SLC2A7: variants seen among roughly 807,000 people sequenced by gnomAD.
SLC2A7 encodes the protein solute carrier family 2, facilitated glucose transporter member 7.
In SLC2A7, 50 loss-of-function variants were observed where a neutral mutation model predicts 50.5. The observed-to-expected ratio is 0.99, with a 90% CI of 0.79 to 1.25. The LOEUF (loss-of-function observed/expected upper bound fraction) is 1.25. Among genes scored for constraint, SLC2A7 ranks in the 50% most tolerant of loss-of-function variants. The pLI, the probability that SLC2A7 is intolerant of heterozygous loss-of-function variation, is 0.00. For synonymous variants in SLC2A7, 308 were observed against 300.4 expected (o/e 1.03, Z -0.26); for missense variants, 683 against 679.1 (o/e 1.01, Z -0.06).
chr1:9,022,885 AT>A (rs754238764), intron 3 of SLC2A7, 32 bp downstream of exon 3: 2 of 1,608,228 alleles, frequency 1.2e-6, no homozygotes, highest in Non-Finnish European at 1.7e-6. Flanking sequence ...ACTAGCATGA[AT>A]TTTAAGTGGG....
chr1:9,015,718 A>C (rs1640820310), intron 5 of SLC2A7, among the ~76,000 whole-genome samples: 1 of 145,152 alleles, frequency 6.9e-6, no homozygotes, highest in Non-Finnish European at 1.5e-5. Context: ...GGAAGTGGAC[A>C]AGTTCTTTTT....
At chr1:9,023,838 CTTTTTTT>C (rs1162143987) in intron 2 of SLC2A7, among the ~76,000 whole-genome samples, 8 of 17,168 alleles carry the variant, frequency 4.7e-4, no homozygotes, top group Admixed American at 3.1e-3. Context: ...TATTCTTCTT[CTTTTTTT>C]TTTTTTTTTT....
At position 9,014,921 on chromosome 1, in the gene SLC2A7, C is replaced by A. The variant is rs1640806128; in HGVS notation, c.716-53G>T. On this transcript the variant is annotated intron_variant, in intron 6 of 11. Coordinates refer to ENST00000400906, the MANE Select transcript of SLC2A7 (RefSeq NM_207420.3). Reference sequence around the variant, plus strand: ...AGGGCCGTCTCCCTGCAGGCTGGGCCCCAAGCCCCCATGCTGGCCCTGAGC... The same window carrying A: ...AGGGCCGTCTCCCTGCAGGCTGGGCACCAAGCCCCCATGCTGGCCCTGAGC... 3 of 1,525,034 alleles carry A rather than the reference C, an allele frequency of 2.0e-6. No individual in the cohort carries two copies. In the South Asian group the frequency reaches 3.7e-5, roughly 19 times the overall value. 94.5% of individuals were successfully genotyped at this position (1,525,034 alleles called of 1,614,324 possible).
chr1:9,026,247 C>T (rs751680048), intron 1 of SLC2A7, 48 bp downstream of exon 1: 2 of 1,588,246 alleles, frequency 1.3e-6, no homozygotes, highest in Non-Finnish European at 8.6e-7. Context: ...CAGGTCTGCA[C>T]AGCTGGTGGG....
chr1:9,024,848 T>C, intron 2 of SLC2A7, 128 bp downstream of exon 2: 1 of 1,014,996 alleles, frequency 9.9e-7, no homozygotes, highest in Non-Finnish European at 1.5e-6. Context: ...AGCTGGCTGC[T>C]CCCAAAGGCA....
chr1:9,013,600 C>G lies in SLC2A7; in HGVS notation c.939G>C (p.Ala313=), dbSNP rs747148671. 1.9e-6 allele frequency: 3 copies of G among 1,614,106 alleles called. No homozygotes were observed. The South Asian group carries it at 3.3e-5, about 18-fold the overall frequency. ...ATTGGGAGTGAGCGGCCTCCACGCC[C>G]GCAGATGTGTAGATGGTGTCCGCAT... ...NYYADTIYTS[A]GVEAAHSQYV... The change falls in exon 8 of 12, where the codon GCG becomes GCC. Residue 313 remains alanine (A), a synonymous_variant. Coordinates refer to ENST00000400906, the MANE Select transcript of SLC2A7 (RefSeq NM_207420.3).
At chr1:9,013,709 C>T (rs1189805705) in intron 7 of SLC2A7, 74 bp from the exon 8 acceptor site, 60 of 1,305,168 alleles carry the variant, frequency 4.6e-5, no homozygotes, top group Non-Finnish European at 6.4e-5. Flanking sequence ...CAACTCAAGC[C>T]ACACACAGTT....
In SLC2A7 at chr1:9,025,567, G is replaced by A. The variant is rs72632912; in HGVS notation, c.52-493C>T. Among the ~76,000 whole-genome samples, 18 of 152,306 alleles carry A rather than the reference G, an allele frequency of 1.2e-4. No homozygotes were observed. In the Middle Eastern group the frequency reaches 0.014, roughly 115 times the overall value. On this transcript the variant is annotated intron_variant, in intron 1 of 11. Transcript: ENST00000400906. ...GCAGGGAAGGCCTCTCTGAGCAGGC[G>A]CCCTTTGAGCCGGGACCAGAATGGA...
In SLC2A7 at chr1:9,013,646, A is replaced by G; in HGVS notation, c.904-11T>C. The G allele has an allele frequency of 6.2e-7, 1 of 1,611,906 alleles. No homozygotes were observed. The highest frequency in any genetic ancestry group is 8.5e-7 in the Non-Finnish European group (1 of 1,178,258). Reference sequence around the variant, plus strand: ...CGCATAGTAGTTGATCTAAACAAAAACACAGGGCTGTCAGGACAGGCCGGA... The same window carrying G: ...CGCATAGTAGTTGATCTAAACAAAAGCACAGGGCTGTCAGGACAGGCCGGA... On this transcript the variant is annotated splice_polypyrimidine_tract_variant and intron_variant, in intron 7 of 11. Coordinates refer to ENST00000400906, the MANE Select transcript of SLC2A7 (RefSeq NM_207420.3).
At position 9,007,355 on chromosome 1, in the gene SLC2A7, T is replaced by G. The variant is rs1640669558; in HGVS notation, c.1147A>C (p.Ile383Leu). 1 of 1,614,054 alleles carries G rather than the reference T, an allele frequency of 6.2e-7. No individual in the cohort carries two copies. The highest frequency in any genetic ancestry group is 1.1e-5 in the South Asian group (1 of 91,090). ...GCGATGTAGGCAAAGACACAGATGA[T>G]GCCGAGGTAGGACAGCTCGGGGACC... ...NRVPELSYLGIICVFAYIAGH... is the reference protein window; with the variant it reads ...NRVPELSYLGLICVFAYIAGH... Residue 383 changes from isoleucine to leucine, a missense_variant, in exon 10 of 12, where the codon ATC (isoleucine) becomes CTC (leucine). Coordinates refer to ENST00000400906, the MANE Select transcript of SLC2A7 (RefSeq NM_207420.3).
intron 10 of SLC2A7, among the ~76,000 whole-genome samples, chr1:9,006,088 C>A (rs1382373526): frequency 1.3e-5 from 2 of 152,202 alleles, no homozygotes; most frequent in East Asian, 3.9e-4. Context: ...CACCTGATCA[C>A]CCCGTTCTTG....
chr1:9,023,832 CTTCTTCTTTTTT>C (rs1640951836), intron 2 of SLC2A7, among the ~76,000 whole-genome samples: 1 of 35,232 alleles, frequency 2.8e-5, no homozygotes, highest in Non-Finnish European at 4.9e-5. Context: ...AGGAAATATT[CTTCTTCTTTTTT>C]TTTTTTTTTT....
At position 9,007,363 on chromosome 1, in the gene SLC2A7, T is replaced by A. The variant is rs775187662; in HGVS notation, c.1139A>T (p.Tyr380Phe). 1 of 1,614,148 alleles carries A rather than the reference T, an allele frequency of 6.2e-7. No individual in the cohort carries two copies. The highest frequency in any genetic ancestry group is 8.5e-7 in the Non-Finnish European group (1 of 1,180,014). The stretch of plus-strand genomic sequence containing the variant: ...GGCAAAGACACAGATGATGCCGAGG[T>A]AGGACAGCTCGGGGACCCTGTTCTG... ...LFQNRVPELS[Y>F]LGIICVFAYI... Residue 380 changes from tyrosine (Y) to phenylalanine (F), a missense_variant, in exon 10 of 12, where the codon TAC (tyrosine) becomes TTC (phenylalanine). By Grantham distance (22) the Tyr-to-Phe change is conservative. Coordinates refer to ENST00000400906, the MANE Select transcript of SLC2A7 (RefSeq NM_207420.3).
Position 9,018,379 on chromosome 1 carries a change from G to A in SLC2A7, c.437-4C>T. 1 of 1,613,506 alleles carries A rather than the reference G, an allele frequency of 6.2e-7. No homozygotes were observed. Among genetic ancestry groups the A allele is most frequent in the Non-Finnish European group, 8.5e-7 (1 of 1,179,980 alleles). ...GGAAGGGCGCTGTAGGAGATGCCTG[G>A]TTTGGGCACAGCAGAAATCAGGGCA... On this transcript the variant is annotated splice_region_variant and splice_polypyrimidine_tract_variant and intron_variant, in intron 4 of 11. Coordinates refer to ENST00000400906, the MANE Select transcript of SLC2A7 (RefSeq NM_207420.3).
the SLC2A7 span, among the ~76,000 whole-genome samples, chr1:8,996,038 G>T: frequency 6.6e-6 from 1 of 152,128 alleles, no homozygotes; most frequent in Non-Finnish European, 1.5e-5. Context: ...AAAGTGCTGG[G>T]GTTACAGGCA....
intron 1 of SLC2A7, among the ~76,000 whole-genome samples, chr1:9,025,770 A>G (rs1310997460): frequency 6.6e-6 from 1 of 152,160 alleles, no homozygotes; most frequent in Admixed American, 6.5e-5. Context: ...AACTGGCCTG[A>G]GGGCCAAAGT....
At chr1:9,007,008 C>T (rs1164272670) in intron 10 of SLC2A7, among the ~76,000 whole-genome samples, 1 of 152,080 alleles carries the variant, frequency 6.6e-6, no homozygotes, top group Non-Finnish European at 1.5e-5. Flanking sequence ...CCAGGGGTGT[C>T]TGACTGGCAT....
Position 9,003,272 on chromosome 1 carries a change from A to T in SLC2A7, c.*28T>A. On this transcript the variant is annotated 3_prime_UTR_variant, in exon 12 of 12. Transcript: ENST00000400906. Reference sequence around the variant, plus strand: ...ATTGTCATAGAAGGAAGCCTTGAATATGGGCTCCCGTCCTTCATGCAGGGC... The same window carrying T: ...ATTGTCATAGAAGGAAGCCTTGAATTTGGGCTCCCGTCCTTCATGCAGGGC... The T allele has an allele frequency of 6.2e-7, 1 of 1,608,678 alleles. No homozygotes were observed.
Position 9,008,532 on chromosome 1 carries a change from G to A in SLC2A7, c.1117-1147C>T, listed in dbSNP as rs1557647199. ...GTGTCACTGGCGGTGGTCTCTGCAG[G>A]TGGCGCTCAGTCGTGCTCACCTCTT... On this transcript the variant is annotated intron_variant, in intron 9 of 11. Coordinates refer to ENST00000400906, the MANE Select transcript of SLC2A7 (RefSeq NM_207420.3). This position sits in a 1 kb window ranked among gnomAD's most constrained non-coding sequence, Gnocchi z 5.9. Among the ~76,000 whole-genome samples the A allele has an allele frequency of 6.6e-6, 1 of 152,088 alleles. No individual in the cohort carries two copies. The highest frequency in any genetic ancestry group is 2.1e-4 in the South Asian group (1 of 4,830).
Sources: allele counts gnomAD v4.1 joint callset (sites outside exome capture counted in the v4.1 genomes callset), GRCh38; gene constraint gnomAD v4.1.1; non-coding constraint Gnocchi (gnomAD v3.1); transcripts MANE v1.5; gene names NCBI Gene and HGNC (gene_info 2026-07-23, HGNC 2026-07-21).